THEM4: variants seen among roughly 807,000 people sequenced by gnomAD.
The protein encoded by THEM4 is thioesterase superfamily member 4.
A neutral mutation model predicts 25.0 loss-of-function variants in THEM4; 22 were observed. That is an observed-to-expected ratio of 0.88 (90% CI 0.63 to 1.26). THEM4 has a LOEUF of 1.26. Ranked by LOEUF, THEM4 falls within the 50% of genes most tolerant of loss-of-function variation. The probability of loss-of-function intolerance (pLI) is 0.00; values close to 1 mark genes in which losing one functional copy is unlikely to be tolerated. For synonymous variants in THEM4, 113 were observed against 105.6 expected (o/e 1.07, Z -0.43); for missense variants, 286 against 300.3 (o/e 0.95, Z 0.35).
chr1:151,884,557 C>T lies in THEM4; in HGVS notation c.557+3716G>A, dbSNP rs118010588. ...AATGTTCTGACCTTTACCAGCATAC[C>T]ATCTTATCAGGGTAATTTCTTCAGT... On this transcript the variant is annotated intron_variant, in intron 4 of 5. Coordinates refer to ENST00000368814, the MANE Select transcript of THEM4 (RefSeq NM_053055.5). 2.2e-4 allele frequency among the ~76,000 whole-genome samples: 33 copies of T among 152,296 alleles called. 1 individual carries two copies. In the East Asian group the frequency reaches 3.7e-3, roughly 17 times the overall value.
chr1:151,892,912 G>C (rs1263097173), intron 2 of THEM4, among the ~76,000 whole-genome samples: 1 of 152,184 alleles, frequency 6.6e-6, no homozygotes, highest in Admixed American at 6.5e-5. Flanking sequence ...GGAAGAGCCA[G>C]CCCAAGAAAC....
chr1:151,903,457 T>A (rs1211089550), intron 1 of THEM4, among the ~76,000 whole-genome samples: 1 of 152,260 alleles, frequency 6.6e-6, no homozygotes, highest in Non-Finnish European at 1.5e-5. Context: ...TAAACTGATA[T>A]ACTATATAAT....
chr1:151,886,614 A>G (rs967451807), intron 4 of THEM4, among the ~76,000 whole-genome samples: 2 of 152,188 alleles, frequency 1.3e-5, no homozygotes, highest in African/African-American at 4.8e-5. Context: ...AATATTGACC[A>G]TCTGTAAATA....
rs768793180 is a variant in THEM4, at chr1:151,889,272, T to A, written c.388A>T (p.Ile130Phe). The change falls in exon 3 of 6, where the codon ATT becomes TTT. Residue 130 changes from isoleucine to phenylalanine, a missense_variant. Coordinates refer to ENST00000368814, the MANE Select transcript of THEM4 (RefSeq NM_053055.5). ...GFEYVMFYNDIEKRMVCLFQG... is the reference protein window; with the variant it reads ...GFEYVMFYNDFEKRMVCLFQG... ...AATAAGCAAACCATCCTTTTCTCAA[T>A]GTCATTGTAGAACATCACGTATTCA... is the stretch of plus-strand genomic sequence containing the variant. The A allele has an allele frequency of 1.9e-6, 3 of 1,613,998 alleles. No homozygotes were observed. The East Asian group carries it at 6.7e-5, about 36-fold the overall frequency.
At chr1:151,903,746 T>G (rs970755420) in intron 1 of THEM4, among the ~76,000 whole-genome samples, 1 of 152,244 alleles carries the variant, frequency 6.6e-6, no homozygotes, top group African/African-American at 2.4e-5. Flanking sequence ...CATTAGCCAC[T>G]GGTCTCATCT....
At chr1:151,886,248 C>T (rs945706166) in intron 4 of THEM4, among the ~76,000 whole-genome samples, 3 of 152,162 alleles carry the variant, frequency 2.0e-5, no homozygotes, top group South Asian at 2.1e-4. Flanking sequence ...AACAAATGAA[C>T]AGCAATGCAA....
rs570020807 is a variant in THEM4 at position 151,872,929 on chromosome 1, G to T, written c.*1959C>A. ...TCCCCCAGCCCGACACCCGCAAAGG[G>T]TCTGTGCTGAGGGGGATTAGTAAAA... On this transcript the variant is annotated 3_prime_UTR_variant, in exon 6 of 6. Transcript: ENST00000368814. 9.9e-5 allele frequency among the ~76,000 whole-genome samples: 15 copies of T among 152,266 alleles called. No individual in the cohort carries two copies. The South Asian group carries it at 1.2e-3, about 13-fold the overall frequency.
intron 1 of THEM4, among the ~76,000 whole-genome samples, chr1:151,897,703 A>G (rs952384345): frequency 1.3e-5 from 2 of 152,220 alleles, no homozygotes; most frequent in African/African-American, 4.8e-5. Context: ...AAGAGGACCC[A>G]CAGACCCTCT....
intron 4 of THEM4, among the ~76,000 whole-genome samples, chr1:151,886,831 A>G (rs1321956447): frequency 6.6e-6 from 1 of 152,262 alleles, no homozygotes; most frequent in African/African-American, 2.4e-5. Flanking sequence ...AAACCTTTTC[A>G]TTTAAGATCA....
At chr1:151,877,452 G>A (rs767934385) in intron 4 of THEM4, among the ~76,000 whole-genome samples, 3 of 152,204 alleles carry the variant, frequency 2.0e-5, no homozygotes, top group African/African-American at 7.2e-5. Flanking sequence ...AGTCCTAAGG[G>A]AGCTGAAATG....
intron 2 of THEM4, 120 bp from the exon 3 acceptor site, chr1:151,889,493 C>T: frequency 9.6e-7 from 1 of 1,046,936 alleles, no homozygotes; most frequent in Non-Finnish European, 1.4e-6. Flanking sequence ...CAAATGTCCA[C>T]AGGGTGCAAA....
chr1:151,891,506 G>C (rs1654091897), intron 2 of THEM4: 1 of 152,204 alleles, frequency 6.6e-6, no homozygotes, highest in African/African-American at 2.4e-5. Context: ...GGCTACAAAA[G>C]TTCAGATAGA....
At chr1:151,906,385 C>A (rs573562946) in intron 1 of THEM4, among the ~76,000 whole-genome samples, 26 of 152,256 alleles carry the variant, frequency 1.7e-4, no homozygotes, top group Non-Finnish European at 3.4e-4. Flanking sequence ...GGGCAGGGCT[C>A]GGGACCTGCA....
At chr1:151,897,116 G>A (rs1172731645) in intron 1 of THEM4, among the ~76,000 whole-genome samples, 2 of 152,194 alleles carry the variant, frequency 1.3e-5, no homozygotes, top group Non-Finnish European at 2.9e-5. Context: ...CAAAGTGTAT[G>A]CCCACAAACA....
intron 4 of THEM4, among the ~76,000 whole-genome samples, chr1:151,882,941 T>A (rs1364003630): frequency 6.6e-6 from 1 of 151,998 alleles, no homozygotes; most frequent in Admixed American, 6.6e-5. Flanking sequence ...AAAAGAGGTT[T>A]AATTGACTCA....
At chr1:151,894,875 A>G in intron 2 of THEM4, 133 bp downstream of exon 2, 1 of 1,012,134 alleles carries the variant, frequency 9.9e-7, no homozygotes, top group Non-Finnish European at 1.5e-6. Context: ...TCTGGTCTAT[A>G]AAATTGGTGA....
chr1:151,876,712 G>C (rs980210455), intron 5 of THEM4, among the ~76,000 whole-genome samples: 3 of 152,096 alleles, frequency 2.0e-5, no homozygotes, highest in African/African-American at 7.2e-5. Flanking sequence ...GCCTACCAAA[G>C]TGCGGGGACT....
At chr1:151,908,491 C>T (rs1330624604) in intron 1 of THEM4, among the ~76,000 whole-genome samples, 2 of 152,192 alleles carry the variant, frequency 1.3e-5, no homozygotes, top group African/African-American at 4.8e-5. Flanking sequence ...TGCCCTCCAC[C>T]AACCACCTTG....
At chr1:151,893,447 T>G (rs1321718326) in intron 2 of THEM4, among the ~76,000 whole-genome samples, 1 of 138,942 alleles carries the variant, frequency 7.2e-6, no homozygotes, top group Non-Finnish European at 1.6e-5. Context: ...AGAGAGAGAC[T>G]GGGAAGAGAG....
Sources: gnomAD v4.1 joint callset for allele counts (sites outside exome capture counted in the v4.1 genomes callset) on GRCh38, gnomAD v4.1.1 for gene constraint, MANE v1.5 for transcripts, NCBI Gene and HGNC (gene_info 2026-07-23, HGNC 2026-07-21) for gene names.